Variants in CREB5 observed in about 807,000 individuals in gnomAD.
CREB5 encodes cAMP responsive element binding protein 5.
CREB5 carries 19 observed loss-of-function variants against 57.1 expected under a neutral mutation model. The observed-to-expected ratio is 0.33, with a 90% CI of 0.23 to 0.49. CREB5 has a LOEUF of 0.49. CREB5 is among the 20% of genes least tolerant of loss of function. The pLI, the probability that CREB5 is intolerant of heterozygous loss-of-function variation, is 0.99. For synonymous variants in CREB5, 238 were observed against 238.3 expected, an observed-to-expected ratio of 1.00 and a Z score of 0.01; for missense variants, 579 against 671.6, an observed-to-expected ratio of 0.86 and a Z score of 1.52.
At chr7:28,517,854 G>T (rs1220945832) in intron 4 of CREB5, among the ~76,000 whole-genome samples, 1 of 152,074 alleles carries the variant, frequency 6.6e-6, no homozygotes, top group Non-Finnish European at 1.5e-5. Context: ...TTTGGTTCTC[G>T]GGTGAAGCAG....
intron 9 of CREB5, among the ~76,000 whole-genome samples, chr7:28,813,222 C>G (rs1001155763): frequency 6.6e-6 from 1 of 152,166 alleles, no homozygotes; most frequent in African/African-American, 2.4e-5. Flanking sequence ...TCTTTGTGAT[C>G]TTCTATTTTA....
chr7:28,762,725 G>GTTTTTTT (rs59288466), intron 7 of CREB5, among the ~76,000 whole-genome samples: 1 of 146,176 alleles, frequency 6.8e-6, no homozygotes. Flanking sequence ...CTTGGCTATG[G>GTTTTTTT]TTTTTTTTTT....
intron 5 of CREB5, among the ~76,000 whole-genome samples, chr7:28,676,868 G>T (rs982709678): frequency 1.3e-5 from 2 of 152,160 alleles, no homozygotes; most frequent in African/African-American, 4.8e-5. Context: ...AATGTTGATA[G>T]TAAACATAGA....
chr7:28,314,278 ACACTT>A (rs1192094486), intron 1 of CREB5, among the ~76,000 whole-genome samples: 1 of 152,220 alleles, frequency 6.6e-6, no homozygotes, highest in Non-Finnish European at 1.5e-5. Flanking sequence ...TTTTAGGAAA[ACACTT>A]CAAGATGAGA....
chr7:28,766,326 C>T (rs1805984659), intron 7 of CREB5, among the ~76,000 whole-genome samples: 1 of 152,118 alleles, frequency 6.6e-6, no homozygotes, highest in Non-Finnish European at 1.5e-5. Flanking sequence ...GAACAAGCTC[C>T]CTCAAACTCT....
intron 1 of CREB5, among the ~76,000 whole-genome samples, chr7:28,459,665 G>A (rs1436612952): frequency 6.6e-6 from 1 of 152,150 alleles, no homozygotes; most frequent in Non-Finnish European, 1.5e-5. Context: ...TGCTGGAAAC[G>A]TGAATAGGCT....
intron 1 of CREB5, among the ~76,000 whole-genome samples, chr7:28,370,182 T>C (rs1409663096): frequency 6.6e-6 from 1 of 152,226 alleles, no homozygotes; most frequent in East Asian, 1.9e-4. Flanking sequence ...GGAGAGGCTC[T>C]AGAATTTAAA....
chr7:28,594,805 C>T (rs1438138848), intron 5 of CREB5, among the ~76,000 whole-genome samples: 8 of 152,132 alleles, frequency 5.3e-5, no homozygotes, highest in South Asian at 2.1e-4. Flanking sequence ...GCCCTTCATA[C>T]ATGTGAGGCC....
chr7:28,404,076 T>C (rs1787529767), intron 1 of CREB5, among the ~76,000 whole-genome samples: 1 of 152,208 alleles, frequency 6.6e-6, no homozygotes. Flanking sequence ...AGAACGTGGA[T>C]ACACTGTACA....
intron 1 of CREB5, among the ~76,000 whole-genome samples, chr7:28,351,117 T>C (rs900494348): frequency 6.6e-6 from 1 of 152,194 alleles, no homozygotes; most frequent in African/African-American, 2.4e-5. Context: ...AATTAGTTGG[T>C]AACTGTGATA....
chr7:28,515,909 A>AAT (rs60865345), intron 4 of CREB5, among the ~76,000 whole-genome samples: 14,809 of 150,976 alleles, frequency 0.098, 917 homozygotes, highest in East Asian at 0.33. Flanking sequence ...TTAAAGTAAA[A>AAT]ATATATATAT....
At chr7:28,767,672 C>T (rs1279059127) in intron 7 of CREB5, among the ~76,000 whole-genome samples, 2 of 152,178 alleles carry the variant, frequency 1.3e-5, no homozygotes, top group Non-Finnish European at 2.9e-5. Flanking sequence ...TTTCTACCAT[C>T]CTCAATTTTA....
chr7:28,626,683 C>A (rs1300478451), intron 5 of CREB5, among the ~76,000 whole-genome samples: 1 of 152,116 alleles, frequency 6.6e-6, no homozygotes, highest in East Asian at 1.9e-4. Flanking sequence ...GCAAATAGAT[C>A]GTCCTCTTTA....
At chr7:28,576,547 G>A (rs535162786) in intron 5 of CREB5, among the ~76,000 whole-genome samples, 1 of 152,308 alleles carries the variant, frequency 6.6e-6, no homozygotes, top group Admixed American at 6.5e-5. Flanking sequence ...TCATCTACAG[G>A]AGTTAGCTAA....
chr7:28,437,488 A>G (rs1789007138), intron 1 of CREB5, among the ~76,000 whole-genome samples: 1 of 152,078 alleles, frequency 6.6e-6, no homozygotes, highest in Non-Finnish European at 1.5e-5. Flanking sequence ...AGTTCCATAG[A>G]TCTTCCTTCT....
chr7:28,579,866 T>C (rs1301853438), intron 5 of CREB5, among the ~76,000 whole-genome samples: 1 of 152,156 alleles, frequency 6.6e-6, no homozygotes. Flanking sequence ...TTAGAATCTA[T>C]AGGGGCAGGA....
intron 3 of CREB5, among the ~76,000 whole-genome samples, chr7:28,505,875 G>A (rs118133595): frequency 0.016 from 2,452 of 152,276 alleles, 31 homozygotes; most frequent in Middle Eastern, 0.031. Context: ...AGTTATATGT[G>A]TATATTAGGG....
At chr7:28,420,760 A>T (rs1788212023) in intron 1 of CREB5, among the ~76,000 whole-genome samples, 1 of 147,980 alleles carries the variant, frequency 6.8e-6, no homozygotes, top group South Asian at 2.2e-4. Context: ...GTGAGCTGAG[A>T]TCGCACCATT....
At chr7:28,680,268 G>A (rs1293098994) in intron 5 of CREB5, among the ~76,000 whole-genome samples, 12 of 152,074 alleles carry the variant, frequency 7.9e-5, no homozygotes, top group African/African-American at 2.7e-4. Flanking sequence ...TCCCCACAGA[G>A]CCTCCAGGAA....
Sources: gnomAD v4.1 joint callset for allele counts (sites outside exome capture counted in the v4.1 genomes callset) on GRCh38, gnomAD v4.1.1 for gene constraint, MANE v1.5 for transcripts, NCBI Gene and HGNC (gene_info 2026-07-23, HGNC 2026-07-21) for gene names.